Variants in KLF12 observed in about 807,000 individuals in gnomAD.
The protein encoded by KLF12 is Krueppel-like factor 12.
In KLF12, 9 loss-of-function variants were observed where a neutral mutation model predicts 37.8. That is an observed-to-expected ratio of 0.24 (90% CI 0.14 to 0.42). The LOEUF is 0.42. Among genes scored for constraint, KLF12 ranks in the 10% least tolerant of loss-of-function variants. KLF12 has a pLI of 1.00. For missense variants in KLF12, 411 were observed against 516.0 expected (o/e 0.80, Z 1.97); for synonymous variants, 208 against 202.1 (o/e 1.03, Z -0.25).
chr13:73,748,580 C>G (rs1335846140), intron 6 of KLF12, among the ~76,000 whole-genome samples: 10 of 152,092 alleles, frequency 6.6e-5, no homozygotes, highest in African/African-American at 2.4e-4. Context: ...GAAAGCCTTC[C>G]CCGGGAACTG....
chr13:74,031,869 T>G (rs1893123444), intron 1 of KLF12, among the ~76,000 whole-genome samples: 1 of 152,200 alleles, frequency 6.6e-6, no homozygotes. Context: ...TAGGCTACTC[T>G]AAATGTCGGG....
the KLF12 span, among the ~76,000 whole-genome samples, chr13:74,270,519 A>G: frequency 2.0e-5 from 3 of 152,244 alleles, no homozygotes; most frequent in Admixed American, 1.3e-4. Flanking sequence ...GGCATGAAGC[A>G]TACTGAGGAC....
At chr13:74,225,341 T>C in the KLF12 span, among the ~76,000 whole-genome samples, 1 of 152,182 alleles carries the variant, frequency 6.6e-6, no homozygotes, top group Non-Finnish European at 1.5e-5. Flanking sequence ...GATTTCACAC[T>C]ACCTTAAGGA....
At chr13:73,819,656 G>T (rs1435470200) in intron 4 of KLF12, among the ~76,000 whole-genome samples, 1 of 152,140 alleles carries the variant, frequency 6.6e-6, no homozygotes, top group African/African-American at 2.4e-5. Context: ...TAACAAAAAA[G>T]AAAAATATAT....
chr13:74,134,303 G>A (rs959590146), upstream of KLF12, among the ~76,000 whole-genome samples: 1 of 151,884 alleles, frequency 6.6e-6, no homozygotes, highest in Admixed American at 6.6e-5. Flanking sequence ...CGGGGGCGGC[G>A]GCGGGGAGGG....
intron 3 of KLF12, among the ~76,000 whole-genome samples, chr13:73,893,885 A>G (rs1031632947): frequency 1.3e-5 from 2 of 152,208 alleles, no homozygotes; most frequent in Admixed American, 1.3e-4. Context: ...GATTAGCAAG[A>G]GCAAATCCAA....
the KLF12 span, among the ~76,000 whole-genome samples, chr13:74,304,929 A>T: frequency 4.6e-5 from 7 of 152,246 alleles, no homozygotes; most frequent in Admixed American, 1.3e-4. Flanking sequence ...ATTGCCGAGG[A>T]TAATTCTTCC....
intron 3 of KLF12, among the ~76,000 whole-genome samples, chr13:73,861,401 CTGCTCCTTCA>C (rs1490368382): frequency 6.6e-6 from 1 of 152,224 alleles, no homozygotes; most frequent in East Asian, 1.9e-4. Flanking sequence ...TTATCTTGCT[CTGCTCCTTCA>C]TGTTAATTCC....
chr13:74,030,617 T>C (rs1203737581), intron 1 of KLF12, among the ~76,000 whole-genome samples: 2 of 152,084 alleles, frequency 1.3e-5, no homozygotes, highest in Admixed American at 6.6e-5. Flanking sequence ...AAAATAATTA[T>C]ATGGCACAGA....
intron 6 of KLF12, among the ~76,000 whole-genome samples, chr13:73,746,810 CTTTTTTTT>C (rs776746904): frequency 2.5e-5 from 3 of 119,858 alleles, no homozygotes; most frequent in Non-Finnish European, 5.0e-5. Flanking sequence ...TCCCTCCCTC[CTTTTTTTT>C]TTTTTTTTTT....
chr13:74,297,982 C>T, the KLF12 span, among the ~76,000 whole-genome samples: 26 of 152,270 alleles, frequency 1.7e-4, no homozygotes, highest in Non-Finnish European at 3.1e-4. Flanking sequence ...TTATGAATGT[C>T]TCTATTTCAT....
the KLF12 span, among the ~76,000 whole-genome samples, chr13:74,189,445 C>T: frequency 2.0e-5 from 3 of 152,198 alleles, no homozygotes; most frequent in African/African-American, 7.2e-5. Flanking sequence ...CCGAGCTTAA[C>T]TCGTGTATTG....
At chr13:73,766,804 T>C (rs1258729518) in intron 5 of KLF12, among the ~76,000 whole-genome samples, 2 of 152,228 alleles carry the variant, frequency 1.3e-5, no homozygotes, top group Non-Finnish European at 2.9e-5. Context: ...ATTGATGCTG[T>C]TTATTGCATA....
At chr13:74,045,649 C>A (rs1389740102) in intron 1 of KLF12, among the ~76,000 whole-genome samples, 2 of 151,970 alleles carry the variant, frequency 1.3e-5, no homozygotes, top group Non-Finnish European at 2.9e-5. Context: ...AAAAATAGAT[C>A]CCCAGCCCAA....
chr13:73,890,725 A>T (rs990689054), intron 3 of KLF12, among the ~76,000 whole-genome samples: 3 of 152,080 alleles, frequency 2.0e-5, no homozygotes, highest in Admixed American at 2.0e-4. Flanking sequence ...TTAAAAAAAA[A>T]AAATAAAAGA....
At chr13:74,278,322 G>A in the KLF12 span, among the ~76,000 whole-genome samples, 1 of 152,158 alleles carries the variant, frequency 6.6e-6, no homozygotes, top group Admixed American at 6.5e-5. Flanking sequence ...AAGATGACCA[G>A]AAACAACAGC....
chr13:73,880,805 A>AG (rs1886943664), intron 3 of KLF12, among the ~76,000 whole-genome samples: 1 of 152,250 alleles, frequency 6.6e-6, no homozygotes, highest in African/African-American at 2.4e-5. Context: ...ATAACCTAGC[A>AG]GTATAACTAA....
At chr13:73,729,814 C>T (rs146331712) in intron 6 of KLF12, among the ~76,000 whole-genome samples, 42 of 152,168 alleles carry the variant, frequency 2.8e-4, no homozygotes, top group African/African-American at 8.0e-4. Flanking sequence ...TCTGTAAGTT[C>T]ACCATAGGGA....
intron 1 of KLF12, among the ~76,000 whole-genome samples, chr13:74,024,909 A>T (rs1892935934): frequency 6.6e-6 from 1 of 152,172 alleles, no homozygotes; most frequent in African/African-American, 2.4e-5. Context: ...ACACTTTTCA[A>T]ACTTTAACCA....
Sources: allele counts gnomAD v4.1 joint callset (sites outside exome capture counted in the v4.1 genomes callset), GRCh38; gene constraint gnomAD v4.1.1; transcripts MANE v1.5; gene names NCBI Gene and HGNC (gene_info 2026-07-23, HGNC 2026-07-21).